CFAP20DC: variants seen among roughly 807,000 people sequenced by gnomAD.
CFAP20DC encodes the protein CFAP20 domain containing.
In CFAP20DC, 84 loss-of-function variants were observed where a neutral mutation model predicts 101.7. The observed-to-expected ratio is 0.83, with a 90% CI of 0.69 to 0.99. CFAP20DC has a LOEUF of 0.99. Among genes scored for constraint, CFAP20DC ranks in the 50% least tolerant of loss-of-function variants. The pLI is 0.00. For synonymous variants in CFAP20DC, 359 were observed against 351.2 expected (o/e 1.02, Z -0.25); for missense variants, 1,007 against 970.3 (o/e 1.04, Z -0.50).
In CFAP20DC at chr3:58,897,730, TTTCTGCTGGGAG is replaced by T. The variant is rs2082785433; in HGVS notation, c.551-13033_551-13022del. On this transcript the variant is annotated intron_variant, in intron 6 of 16. Transcript: ENST00000482387. The surrounding 1 kb of genome is among the most constrained non-coding windows in gnomAD (Gnocchi z 4.4). ...TCCCAATCTCTTCTGGCTTGTAGGG[TTTCTGCTGGGAG>T]TTCTGCTGCTAGTCTGATGGGCTTC... is the stretch of plus-strand genomic sequence containing the variant. Among the ~76,000 whole-genome samples, 1 of 152,158 alleles carries T rather than the reference TTTCTGCTGGGAG, an allele frequency of 6.6e-6. No homozygotes were observed. Among genetic ancestry groups the T allele is most frequent in the Admixed American group, 6.5e-5 (1 of 15,282 alleles).
chr3:58,819,530 T>C (rs1284840196), intron 14 of CFAP20DC, among the ~76,000 whole-genome samples: 34 of 149,482 alleles, frequency 2.3e-4, no homozygotes, highest in African/African-American at 7.9e-4. Flanking sequence ...GCAAATAAAC[T>C]AGAAAATCTA....
rs2093306482 is a variant in CFAP20DC, at chr3:59,001,404, C to G, written c.278+38153G>C. Among the ~76,000 whole-genome samples, 1 of 152,022 alleles carries G rather than the reference C, an allele frequency of 6.6e-6. No individual in the cohort carries two copies. Among genetic ancestry groups the G allele is most frequent in the Non-Finnish European group, 1.5e-5 (1 of 67,972 alleles). On this transcript the variant is annotated intron_variant, in intron 4 of 16. Coordinates refer to ENST00000482387, the MANE Select transcript of CFAP20DC (RefSeq NM_001394063.1). This position sits in a 1 kb window ranked among gnomAD's most constrained non-coding sequence, Gnocchi z 4.5. ...TCTCTCCCTCTCTCCCTCTCTCCCT[C>G]TCTCCTTCTCTCTCTCCTCTCTTAA...
intron 14 of CFAP20DC, among the ~76,000 whole-genome samples, chr3:58,828,490 CT>C (rs1463299304): frequency 1.3e-5 from 2 of 152,244 alleles, no homozygotes; most frequent in Middle Eastern, 3.4e-3. Context: ...AAATCATGTC[CT>C]TTGCAGCAAC....
At chr3:58,803,516 G>A (rs1559611113) in intron 15 of CFAP20DC, among the ~76,000 whole-genome samples, 1 of 152,140 alleles carries the variant, frequency 6.6e-6, no homozygotes, top group Non-Finnish European at 1.5e-5. Context: ...CAGATCTTAA[G>A]AAGAATCAGA....
rs996396409 is a variant in CFAP20DC at position 58,859,245 on chromosome 3, G to C, written c.1593+4313C>G. On this transcript the variant is annotated intron_variant, in intron 12 of 16. Coordinates refer to ENST00000482387, the MANE Select transcript of CFAP20DC (RefSeq NM_001394063.1). This position sits in a 1 kb window ranked among gnomAD's most constrained non-coding sequence, Gnocchi z 4.1. The stretch of plus-strand genomic sequence containing the variant: ...CATGACATCTTTACCTATAGCAAAT[G>C]ATACTTTACAGACAAATCATAGCAT... Among the ~76,000 whole-genome samples, 2 of 152,168 alleles carry C rather than the reference G, an allele frequency of 1.3e-5. No individual in the cohort carries two copies. The highest frequency in any genetic ancestry group is 4.8e-5 in the African/African-American group (2 of 41,446).
intron 4 of CFAP20DC, among the ~76,000 whole-genome samples, chr3:59,029,201 C>T (rs185626726): frequency 6.6e-5 from 10 of 152,232 alleles, no homozygotes; most frequent in South Asian, 2.1e-4. Context: ...GAGCCTATTA[C>T]GTGTCATGCC....
chr3:58,782,598 A>T (rs2071938467), intron 15 of CFAP20DC, among the ~76,000 whole-genome samples: 1 of 152,094 alleles, frequency 6.6e-6, no homozygotes, highest in Non-Finnish European at 1.5e-5. Context: ...CAAAGTCAAC[A>T]TACAAATATT....
intron 13 of CFAP20DC, among the ~76,000 whole-genome samples, chr3:58,835,081 C>T (rs2076647680): frequency 6.6e-6 from 1 of 152,118 alleles, no homozygotes. Context: ...ATTTTTTCCT[C>T]TCATCTTCTC....
chr3:59,026,645 A>G (rs958855423), intron 4 of CFAP20DC, among the ~76,000 whole-genome samples: 3 of 152,182 alleles, frequency 2.0e-5, no homozygotes, highest in Non-Finnish European at 2.9e-5. Flanking sequence ...ATGACATATG[A>G]AAAGATCAGG....
chr3:58,888,290 C>T (rs937704891), intron 6 of CFAP20DC, among the ~76,000 whole-genome samples: 3 of 152,162 alleles, frequency 2.0e-5, no homozygotes, highest in Admixed American at 6.5e-5. Flanking sequence ...ATGTGCCAGG[C>T]GTATGTCTAA....
At chr3:58,760,252 C>A (rs887481317) in intron 15 of CFAP20DC, among the ~76,000 whole-genome samples, 1 of 152,160 alleles carries the variant, frequency 6.6e-6, no homozygotes, top group Non-Finnish European at 1.5e-5. Context: ...TCCTTCACAT[C>A]CCTTGTAAGT....
In CFAP20DC at chr3:59,049,968, A is replaced by C. The variant is rs2109353377; in HGVS notation, c.-337T>G. 2 of 286,638 alleles carry C rather than the reference A, an allele frequency of 7.0e-6. No homozygotes were observed. The highest frequency in any genetic ancestry group is 1.3e-5 in the Non-Finnish European group (2 of 153,650). The allele number at this position is 286,638 out of a possible 1,614,324, so 17.8% of individuals were successfully genotyped here. A position where few individuals can be genotyped will look rare whatever the true frequency, so the allele number is the denominator to read the frequency against. On this transcript the variant is annotated 5_prime_UTR_variant, in exon 1 of 17. Coordinates refer to ENST00000482387, the MANE Select transcript of CFAP20DC (RefSeq NM_001394063.1). Reference sequence around the variant, plus strand: ...GCGCCCAGTCGCGGAGCCACAGACAACCGCCCGCTGGCCTAGGAAAAGCGG... The same window carrying C: ...GCGCCCAGTCGCGGAGCCACAGACACCCGCCCGCTGGCCTAGGAAAAGCGG...
intron 4 of CFAP20DC, among the ~76,000 whole-genome samples, chr3:59,024,099 T>A (rs953392255): frequency 1.3e-5 from 2 of 152,156 alleles, no homozygotes; most frequent in African/African-American, 4.8e-5. Context: ...AAATTCTAAA[T>A]GTATTACTAC....
At chr3:58,760,417 G>A (rs960874791) in intron 15 of CFAP20DC, among the ~76,000 whole-genome samples, 5 of 152,168 alleles carry the variant, frequency 3.3e-5, no homozygotes, top group African/African-American at 4.8e-5. Context: ...TTGCCTATCA[G>A]CTTAAGGAGA....
At chr3:58,880,858 G>T (rs1261958737) in intron 7 of CFAP20DC, among the ~76,000 whole-genome samples, 2 of 152,130 alleles carry the variant, frequency 1.3e-5, no homozygotes, top group Non-Finnish European at 2.9e-5. Context: ...TGAGTTTATT[G>T]TGAATTTTCA....
At chr3:58,866,769 G>T in intron 10 of CFAP20DC, 81 bp from the exon 11 acceptor site, 1 of 920,576 alleles carries the variant, frequency 1.1e-6, no homozygotes, top group Non-Finnish European at 1.6e-6. Context: ...GTTTACTTTG[G>T]TATACTTTAC....
At chr3:58,727,900 A>G (rs973811031) in intron 3 of CFAP20DC, 3 of 152,174 alleles carry the variant, frequency 2.0e-5, no homozygotes, top group African/African-American at 7.2e-5. Context: ...TACAGTTGCT[A>G]TGTAGAGTGG....
At chr3:58,890,129 C>T (rs914965656) in intron 6 of CFAP20DC, among the ~76,000 whole-genome samples, 5 of 150,972 alleles carry the variant, frequency 3.3e-5, no homozygotes, top group African/African-American at 9.7e-5. Context: ...GTAGGGGCGG[C>T]CGGGCAGAGG....
At chr3:58,862,887 C>T in intron 12 of CFAP20DC, 1 of 981,400 alleles carries the variant, frequency 1.0e-6, no homozygotes, top group Non-Finnish European at 1.2e-6. Context: ...AAAAAGTTAT[C>T]AATGTATTAG....
Sources: allele counts gnomAD v4.1 joint callset (sites outside exome capture counted in the v4.1 genomes callset), GRCh38; gene constraint gnomAD v4.1.1; non-coding constraint Gnocchi (gnomAD v3.1); transcripts MANE v1.5; gene names NCBI Gene and HGNC (gene_info 2026-07-23, HGNC 2026-07-21).